The following ZNG1A variants were observed in gnomAD, a reference collection of about 807,000 sequenced individuals.
ZNG1A encodes Zn regulated GTPase metalloprotein activator 1A, also known as zinc-regulated GTPase metalloprotein activator 1A.
At chr9:145,464 C>T in the ZNG1A span, among the ~76,000 whole-genome samples, 48 of 147,286 alleles carry the variant, frequency 3.3e-4, no homozygotes, top group East Asian at 6.1e-4. Context: ...AACCAAACAC[C>T]GCATATTCTC....
the ZNG1A span, among the ~76,000 whole-genome samples, chr9:143,264 T>C: frequency 1.3e-5 from 2 of 148,724 alleles, 1 homozygote; most frequent in South Asian, 4.4e-4. Flanking sequence ...TAGACCAATA[T>C]CCTTGATGAA....
At chr9:172,003 T>C in the ZNG1A span, 1 of 1,601,794 alleles carries the variant, frequency 6.2e-7, no homozygotes, top group East Asian at 2.2e-5. Context: ...TAATCCTCAT[T>C]TTAGATATTC....
the ZNG1A span, among the ~76,000 whole-genome samples, chr9:143,265 C>T: frequency 6.7e-6 from 1 of 148,964 alleles, no homozygotes; most frequent in African/African-American, 2.5e-5. Flanking sequence ...AGACCAATAT[C>T]CTTGATGAAC....
the ZNG1A span, among the ~76,000 whole-genome samples, chr9:159,754 T>C: frequency 1.3e-5 from 2 of 151,496 alleles, no homozygotes; most frequent in East Asian, 3.9e-4. Context: ...ACACTGCTGT[T>C]GACCAGAGTG....
the ZNG1A span, chr9:122,403 G>A: frequency 1.7e-6 from 2 of 1,193,014 alleles, no homozygotes; most frequent in South Asian, 1.8e-5. Context: ...ACAAAATGAT[G>A]AAATATGTAT....
At chr9:129,912 C>T in the ZNG1A span, among the ~76,000 whole-genome samples, 1 of 150,258 alleles carries the variant, frequency 6.7e-6, no homozygotes, top group African/African-American at 2.5e-5. Flanking sequence ...TGATAGTGCA[C>T]TTACACAAAC....
At chr9:162,866 G>A in the ZNG1A span, among the ~76,000 whole-genome samples, 1 of 150,870 alleles carries the variant, frequency 6.6e-6, no homozygotes, top group Non-Finnish European at 1.5e-5. Context: ...TCAAAATCAA[G>A]ACTTTTCTTA....
the ZNG1A span, among the ~76,000 whole-genome samples, chr9:178,606 A>G: frequency 6.4e-5 from 7 of 109,748 alleles, 2 homozygotes; most frequent in East Asian, 1.6e-3. Flanking sequence ...CTCACTTGAG[A>G]AATGGGAATC....
the ZNG1A span, among the ~76,000 whole-genome samples, chr9:176,215 TA>T: frequency 2.2e-5 from 3 of 138,744 alleles, no homozygotes; most frequent in African/African-American, 8.4e-5. Flanking sequence ...GAATGTTCAG[TA>T]AGATAAATTC....
At chr9:139,224 T>C in the ZNG1A span, among the ~76,000 whole-genome samples, 8 of 149,860 alleles carry the variant, frequency 5.3e-5, 1 homozygote, top group African/African-American at 2.0e-4. Flanking sequence ...AAAACATGGA[T>C]GAACCTTGAT....
chr9:139,343 TG>T, the ZNG1A span, among the ~76,000 whole-genome samples: 1 of 148,466 alleles, frequency 6.7e-6, no homozygotes, highest in African/African-American at 2.6e-5. Context: ...TGTAGAATGG[TG>T]GATGCCAGGG....
chr9:174,432 T>C, the ZNG1A span, among the ~76,000 whole-genome samples: 3 of 152,078 alleles, frequency 2.0e-5, no homozygotes, highest in East Asian at 5.8e-4. Flanking sequence ...ATTTGGACTA[T>C]ATACAGAACA....
At chr9:129,430 G>C in the ZNG1A span, among the ~76,000 whole-genome samples, 4 of 150,078 alleles carry the variant, frequency 2.7e-5, no homozygotes, top group African/African-American at 1.0e-4. Flanking sequence ...AAATGTCCAG[G>C]ACAGTTGAAT....
At chr9:160,380 G>C in the ZNG1A span, among the ~76,000 whole-genome samples, 1 of 151,966 alleles carries the variant, frequency 6.6e-6, no homozygotes, top group South Asian at 2.1e-4. Flanking sequence ...AGCTACTGAG[G>C]TCAAGCTTTG....
the ZNG1A span, chr9:178,823 C>A: frequency 8.0e-6 from 9 of 1,130,960 alleles, 2 homozygotes; most frequent in African/African-American, 1.0e-4. Flanking sequence ...TACCTAAATA[C>A]CCGGTGATAA....
the ZNG1A span, among the ~76,000 whole-genome samples, chr9:175,464 AG>A: frequency 8.6e-3 from 1,292 of 149,684 alleles, 11 homozygotes; most frequent in African/African-American, 0.03. Context: ...GTAAAAATGT[AG>A]TTTAATTCTG....
the ZNG1A span, chr9:164,005 C>T: frequency 6.3e-7 from 1 of 1,596,542 alleles, no homozygotes; most frequent in African/African-American, 1.4e-5. Flanking sequence ...CTCCCTAATT[C>T]AGCATCAACC....
chr9:171,900 G>A, the ZNG1A span: 11 of 768,198 alleles, frequency 1.4e-5, no homozygotes, highest in Non-Finnish European at 1.5e-5. Context: ...GAAATACTCT[G>A]TTCATTCATT....
chr9:140,629 A>G, the ZNG1A span, among the ~76,000 whole-genome samples: 5 of 151,756 alleles, frequency 3.3e-5, no homozygotes, highest in African/African-American at 9.7e-5. Context: ...AAAGGAACGC[A>G]GCGCCTCTCC....
Sources: gnomAD v4.1 joint callset for allele counts (sites outside exome capture counted in the v4.1 genomes callset) on GRCh38, gnomAD v4.1.1 for gene constraint, MANE v1.5 for transcripts, NCBI Gene and HGNC (gene_info 2026-07-23, HGNC 2026-07-21) for gene names.